Variants in NIPA2 observed in about 807,000 individuals in gnomAD.
NIPA2 encodes the protein NIPA magnesium transporter 2, also known as magnesium transporter NIPA2.
NIPA2 carries 11 observed loss-of-function variants against 29.7 expected under a neutral mutation model. The observed-to-expected ratio is 0.37, with a 90% CI of 0.23 to 0.61. The LOEUF (loss-of-function observed/expected upper bound fraction) is 0.61, where lower values mean the gene tolerates loss of function less well. Ranked by LOEUF, NIPA2 falls within the 20% of genes least tolerant of loss-of-function variation. The pLI, the probability that NIPA2 is intolerant of heterozygous loss-of-function variation, is 0.66. For synonymous variants in NIPA2, 183 were observed against 161.9 expected, an observed-to-expected ratio of 1.13 and a Z score of -0.99; for missense variants, 426 against 437.9, an observed-to-expected ratio of 0.97 and a Z score of 0.24.
chr15:22,843,505 A>G (rs1897708096), intron 2 of NIPA2, among the ~76,000 whole-genome samples: 1 of 88,164 alleles, frequency 1.1e-5, no homozygotes, highest in South Asian at 3.5e-4. Flanking sequence ...GACTCCATCT[A>G]AAAAAAAAAA....
intron 7 of NIPA2, among the ~76,000 whole-genome samples, chr15:22,863,544 G>C (rs976236056): frequency 5.3e-5 from 8 of 152,220 alleles, no homozygotes; most frequent in Admixed American, 5.2e-4. Flanking sequence ...TCCTGGCCGG[G>C]CTTTCCATTT....
chr15:22,841,784 G>C (rs571807092), intron 2 of NIPA2, among the ~76,000 whole-genome samples: 2 of 152,252 alleles, frequency 1.3e-5, no homozygotes, highest in South Asian at 2.1e-4. Flanking sequence ...TGGGATTATA[G>C]GCGTGAGCCA....
chr15:22,864,602 C>T (rs1196608086), intron 7 of NIPA2, among the ~76,000 whole-genome samples: 1 of 152,216 alleles, frequency 6.6e-6, no homozygotes, highest in African/African-American at 2.4e-5. Context: ...TCCTGGAACT[C>T]TGTGGCACGG....
chr15:22,863,085 G>GGT (rs1555387890), intron 7 of NIPA2, among the ~76,000 whole-genome samples: 17 of 125,306 alleles, frequency 1.4e-4, no homozygotes, highest in East Asian at 7.2e-4. Flanking sequence ...TATTTTCTTT[G>GGT]TTTTTTTTTT....
intron 5 of NIPA2, among the ~76,000 whole-genome samples, chr15:22,857,436 G>C (rs544712051): frequency 1.7e-5 from 2 of 118,732 alleles, no homozygotes; most frequent in South Asian, 5.1e-4. Flanking sequence ...GCGAGACTCT[G>C]TCTCAAAAAA....
At chr15:22,855,625 C>T (rs2058122533) in intron 5 of NIPA2, among the ~76,000 whole-genome samples, 1 of 151,946 alleles carries the variant, frequency 6.6e-6, no homozygotes, top group Non-Finnish European at 1.5e-5. Context: ...GTTTATGTGC[C>T]TGTGCGTGAT....
intron 3 of NIPA2, among the ~76,000 whole-genome samples, chr15:22,848,026 G>A (rs1046984932): frequency 9.3e-5 from 14 of 150,322 alleles, no homozygotes; most frequent in African/African-American, 3.2e-4. Flanking sequence ...TCGAACTCCC[G>A]ACCTCAGGTG....
At chr15:22,857,228 C>G (rs34365350) in intron 5 of NIPA2, among the ~76,000 whole-genome samples, 20,639 of 151,294 alleles carry the variant, frequency 0.14, 1,672 homozygotes, top group Admixed American at 0.26. Flanking sequence ...GTCAGGAGTT[C>G]AAGACCAGCC....
intron 2 of NIPA2, among the ~76,000 whole-genome samples, chr15:22,841,511 C>CT (rs948266703): frequency 2.4e-4 from 36 of 151,532 alleles, no homozygotes; most frequent in African/African-American, 8.5e-4. Context: ...TGACACTCAC[C>CT]TTTTTTTTTC....
chr15:22,865,818 A>G (rs564143948), intron 7 of NIPA2, among the ~76,000 whole-genome samples: 4 of 151,642 alleles, frequency 2.6e-5, no homozygotes, highest in African/African-American at 9.7e-5. Context: ...TTGATGAAGA[A>G]CTCTTGTTTT....
At chr15:22,841,690 G>C (rs1897133220) in intron 2 of NIPA2, among the ~76,000 whole-genome samples, 1 of 152,114 alleles carries the variant, frequency 6.6e-6, no homozygotes, top group Admixed American at 6.5e-5. Flanking sequence ...TGTATTTTTA[G>C]TAGAGTCGGG....
chr15:22,866,560 A>C lies in NIPA2; in HGVS notation c.796A>C (p.Ile266Leu), dbSNP rs754076619. The C allele has an allele frequency of 2.0e-5, 32 of 1,613,982 alleles. No homozygotes were observed. Among genetic ancestry groups the C allele is most frequent in the Non-Finnish European group, 2.7e-5 (32 of 1,179,958 alleles). ...AACATCAGTTTTAACTTGTTCAGCT[A>C]TTCTTTTTAAGGAGTGGCAAGATAT... is the stretch of plus-strand genomic sequence containing the variant. Reference protein sequence around the residue: ...FTTSVLTCSAILFKEWQDMPV... With the variant: ...FTTSVLTCSALLFKEWQDMPV... The change falls in exon 8 of 8, where the codon ATT becomes CTT. Residue 266 changes from isoleucine to leucine, a missense_variant. This residue lies in a region of NIPA2 where 357 missense variants were observed against 339.8 expected (regional missense o/e 1.05). Coordinates refer to ENST00000337451, the MANE Select transcript of NIPA2 (RefSeq NM_030922.7).
chr15:22,852,801 T>C (rs1476645861), intron 4 of NIPA2, among the ~76,000 whole-genome samples: 2 of 152,158 alleles, frequency 1.3e-5, no homozygotes, highest in Non-Finnish European at 2.9e-5. Flanking sequence ...TTAGACCTGA[T>C]TGGACCTTAT....
chr15:22,852,958 A>G (rs1438238564), intron 4 of NIPA2, among the ~76,000 whole-genome samples: 1 of 152,102 alleles, frequency 6.6e-6, no homozygotes, highest in Non-Finnish European at 1.5e-5. Context: ...GTCAGCATCT[A>G]CTGCTTGTTC....
intron 5 of NIPA2, among the ~76,000 whole-genome samples, chr15:22,856,346 A>G (rs543308091): frequency 7.9e-5 from 12 of 152,238 alleles, no homozygotes; most frequent in Admixed American, 6.5e-4. Context: ...AAAAAAATAG[A>G]AGATTGTGTA....
chr15:22,850,304 G>A (rs2057635035), intron 3 of NIPA2, among the ~76,000 whole-genome samples: 1 of 151,966 alleles, frequency 6.6e-6, no homozygotes, highest in Admixed American at 6.6e-5. Flanking sequence ...GTGCGAAGGG[G>A]CAAGCAGAAG....
chr15:22,858,938 G>T (rs1274363931), intron 6 of NIPA2, among the ~76,000 whole-genome samples: 1 of 152,132 alleles, frequency 6.6e-6, no homozygotes, highest in Non-Finnish European at 1.5e-5. Flanking sequence ...AGCATTTTGG[G>T]AGGCCAAGAC....
intron 2 of NIPA2, among the ~76,000 whole-genome samples, chr15:22,844,176 C>G (rs1414607972): frequency 1.3e-5 from 2 of 152,102 alleles, no homozygotes; most frequent in African/African-American, 4.8e-5. Context: ...TCATAATTTT[C>G]TTTTATTTGA....
At chr15:22,860,195 T>C (rs2058523338) in intron 6 of NIPA2, among the ~76,000 whole-genome samples, 1 of 152,046 alleles carries the variant, frequency 6.6e-6, no homozygotes, top group African/African-American at 2.4e-5. Context: ...GATTTTTGTA[T>C]TTTTAGTAGA....
Sources: gnomAD v4.1 joint callset for allele counts (sites outside exome capture counted in the v4.1 genomes callset) on GRCh38, gnomAD v4.1.1 for gene constraint, gnomAD v4.1.1 regional missense constraint, MANE v1.5 for transcripts, NCBI Gene and HGNC (gene_info 2026-07-23, HGNC 2026-07-21) for gene names.